Variants in KLHL32 observed in about 807,000 individuals in gnomAD.
The protein encoded by KLHL32 is kelch-like protein 32.
Under a neutral mutation model 64.8 loss-of-function variants are expected in KLHL32, and 35 were observed. That is an observed-to-expected ratio of 0.54 (90% confidence interval 0.41 to 0.72). The LOEUF is 0.72. KLHL32 is among the 30% of genes least tolerant of loss of function. The pLI is 0.00. For missense variants in KLHL32, 589 were observed against 768.5 expected, an observed-to-expected ratio of 0.77 and a Z score of 2.76; for synonymous variants, 259 against 281.0, an observed-to-expected ratio of 0.92 and a Z score of 0.78.
chr6:96,928,591 A>G (rs1473739264), intron 1 of KLHL32, among the ~76,000 whole-genome samples: 2 of 152,222 alleles, frequency 1.3e-5, no homozygotes, highest in African/African-American at 4.8e-5. Flanking sequence ...TATATTCTCT[A>G]TACAGAGACT....
chr6:96,995,564 C>T (rs1208279777), intron 3 of KLHL32, among the ~76,000 whole-genome samples: 2 of 152,212 alleles, frequency 1.3e-5, no homozygotes, highest in Non-Finnish European at 2.9e-5. Flanking sequence ...ATTCACCCTC[C>T]CCTTTGTTCC....
At chr6:96,967,425 G>A (rs113100409) in intron 2 of KLHL32, among the ~76,000 whole-genome samples, 4 of 149,378 alleles carry the variant, frequency 2.7e-5, no homozygotes, top group African/African-American at 7.4e-5. Context: ...ATGTGTGTGT[G>A]TATATATATA....
chr6:97,097,618 A>T (rs1795160595), intron 6 of KLHL32, among the ~76,000 whole-genome samples: 1 of 145,156 alleles, frequency 6.9e-6, no homozygotes, highest in Non-Finnish European at 1.5e-5. Flanking sequence ...TGACCTTCAC[A>T]GCAGCTTTCT....
Position 97,114,330 on chromosome 6 carries a change from T to G in KLHL32, c.1175T>G (p.Val392Gly). The G allele has an allele frequency of 6.2e-7, 1 of 1,614,184 alleles. No individual in the cohort carries two copies. Reference protein sequence around the residue: ...APMKNCREHFVLGAMEEYLYA... With the variant: ...APMKNCREHFGLGAMEEYLYA... ...ATGAAAAACTGCCGGGAGCATTTTG[T>G]GCTGGGTGCCATGGAGGAATACCTC... The change falls in exon 7 of 11, where the codon GTG becomes GGG. Residue 392 changes from valine to glycine, a missense_variant. This residue lies in a region of KLHL32 where 226 missense variants were observed against 353.2 expected (regional missense o/e 0.64). Transcript: ENST00000369261.
At chr6:96,927,935 G>A (rs947809513) in intron 1 of KLHL32, among the ~76,000 whole-genome samples, 1 of 152,328 alleles carries the variant, frequency 6.6e-6, no homozygotes, top group Admixed American at 6.5e-5. Flanking sequence ...ACTCTATAAA[G>A]TGGGCATCTT....
intron 1 of KLHL32, among the ~76,000 whole-genome samples, chr6:96,942,559 T>G (rs1343651946): frequency 6.6e-6 from 1 of 152,136 alleles, no homozygotes; most frequent in Non-Finnish European, 1.5e-5. Flanking sequence ...AGCTATGTCT[T>G]GAAGTGTTAA....
chr6:96,986,250 T>G (rs2128057007), intron 3 of KLHL32, among the ~76,000 whole-genome samples: 1 of 151,992 alleles, frequency 6.6e-6, no homozygotes, highest in Non-Finnish European at 1.5e-5. Context: ...CTCAGAGGAG[T>G]ATCCGGCCGT....
At chr6:96,913,069 C>A in the KLHL32 span, among the ~76,000 whole-genome samples, 1 of 152,188 alleles carries the variant, frequency 6.6e-6, no homozygotes, top group Non-Finnish European at 1.5e-5. Context: ...CTTTCTGAAC[C>A]AGCTCTGAAG....
At position 96,956,261 on chromosome 6, in the gene KLHL32, G is replaced by A. The variant is rs549118642; in HGVS notation, c.-65-10735G>A. Among the ~76,000 whole-genome samples the A allele has an allele frequency of 3.3e-5, 5 of 152,278 alleles. No individual in the cohort carries two copies. The South Asian group carries it at 1.0e-3, about 32-fold the overall frequency. ...AAGATGAGATTTGGGTGGGGAAACA[G>A]CCAAACCATATCAGAAAGTTTCATT... On this transcript the variant is annotated intron_variant, in intron 1 of 10. Coordinates refer to ENST00000369261, the MANE Select transcript of KLHL32 (RefSeq NM_052904.4).
At chr6:97,123,727 T>A (rs1368059123) in intron 7 of KLHL32, among the ~76,000 whole-genome samples, 2 of 152,142 alleles carry the variant, frequency 1.3e-5, no homozygotes, top group African/African-American at 4.8e-5. Flanking sequence ...AAACTGCCAA[T>A]CTATAAAATA....
chr6:97,097,252 C>T (rs577594045), intron 6 of KLHL32, among the ~76,000 whole-genome samples: 1 of 152,316 alleles, frequency 6.6e-6, no homozygotes, highest in Non-Finnish European at 1.5e-5. Flanking sequence ...TCAGACTCCT[C>T]CATCACCGAG....
At chr6:97,127,365 TA>T in intron 7 of KLHL32, 38 bp from the exon 8 acceptor site, 1 of 1,522,124 alleles carries the variant, frequency 6.6e-7, no homozygotes, top group African/African-American at 1.4e-5. Context: ...TCCTATTTTT[TA>T]TTCATGAAAA....
At chr6:96,971,851 A>G (rs974637929) in intron 2 of KLHL32, among the ~76,000 whole-genome samples, 1 of 152,106 alleles carries the variant, frequency 6.6e-6, no homozygotes, top group Non-Finnish European at 1.5e-5. Context: ...GGGTAAAAAA[A>G]AATTTTTTTT....
chr6:97,028,023 C>G (rs756982528), intron 3 of KLHL32, among the ~76,000 whole-genome samples: 5 of 152,170 alleles, frequency 3.3e-5, no homozygotes, highest in Non-Finnish European at 7.3e-5. Context: ...ATTTCTCCAG[C>G]AAGGGACAGC....
intron 3 of KLHL32, among the ~76,000 whole-genome samples, chr6:97,015,396 T>C (rs967974925): frequency 2.0e-5 from 3 of 152,188 alleles, no homozygotes; most frequent in Non-Finnish European, 4.4e-5. Context: ...GAATGGACTT[T>C]ACCAAAATGC....
chr6:97,139,136 A>G lies in KLHL32; in HGVS notation c.1717A>G (p.Arg573Gly), dbSNP rs1454439503. ...TCTTTTGTAGGTACTGGATGTAAGC[A>G]GAGAAGGCAAAGAAGAAGTATTCTA... The part of the protein sequence containing the change: ...LACIQVLDVS[R>G]EGKEEVFYGP... The change falls in exon 11 of 11, where the codon AGA becomes GGA. Residue 573 changes from arginine to glycine, a missense_variant. Arg to Gly is a moderately radical substitution (Grantham distance 125, BLOSUM62 -2). Transcript: ENST00000369261. 1.9e-6 allele frequency: 3 copies of G among 1,613,784 alleles called. No homozygotes were observed. Among genetic ancestry groups the G allele is most frequent in the Non-Finnish European group, 2.5e-6 (3 of 1,179,850 alleles).
chr6:97,073,022 G>A (rs1473989255), intron 5 of KLHL32, among the ~76,000 whole-genome samples: 1 of 152,200 alleles, frequency 6.6e-6, no homozygotes, highest in Admixed American at 6.5e-5. Context: ...GATAGTGCAT[G>A]CAAAGTATCT....
At chr6:97,030,353 C>G (rs1001835265) in intron 3 of KLHL32, among the ~76,000 whole-genome samples, 1 of 152,198 alleles carries the variant, frequency 6.6e-6, no homozygotes, top group East Asian at 1.9e-4. Context: ...ACGTCACATA[C>G]TGTGATTTTA....
In KLHL32 at chr6:96,949,315, T is replaced by A. The variant is rs1772290616; in HGVS notation, c.-65-17681T>A. 2.8e-5 allele frequency among the ~76,000 whole-genome samples: 4 copies of A among 145,026 alleles called. No homozygotes were observed. The Admixed American group carries it at 2.8e-4, about 10-fold the overall frequency. On this transcript the variant is annotated intron_variant, in intron 1 of 10. Transcript: ENST00000369261. ...TAAATTGAGTCTCCATAGCTCCAGC[T>A]CTGATATTCTAGTTAGTCAGTTTTC... is the stretch of plus-strand genomic sequence containing the variant.
Sources: allele counts gnomAD v4.1 joint callset (sites outside exome capture counted in the v4.1 genomes callset), GRCh38; gene constraint gnomAD v4.1.1; regional missense constraint gnomAD v4.1.1; transcripts MANE v1.5; gene names NCBI Gene and HGNC (gene_info 2026-07-23, HGNC 2026-07-21).